CNTNAP5: variants seen among roughly 807,000 people sequenced by gnomAD.
CNTNAP5 encodes contactin associated protein family member 5.
CNTNAP5 carries 72 observed loss-of-function variants against 150.2 expected under a neutral mutation model. The ratio of observed to expected loss-of-function variants is 0.48; its 90% CI spans 0.40 to 0.58. CNTNAP5 has a LOEUF of 0.58. Among genes scored for constraint, CNTNAP5 ranks in the 20% least tolerant of loss-of-function variants. The pLI is 0.00. For missense variants in CNTNAP5, 1,636 were observed against 1,626.2 expected, an observed-to-expected ratio of 1.01 and a Z score of -0.10; for synonymous variants, 672 against 619.8, an observed-to-expected ratio of 1.08 and a Z score of -1.25.
At chr2:124,734,172 C>T (rs1201233317) in intron 13 of CNTNAP5, among the ~76,000 whole-genome samples, 1 of 152,086 alleles carries the variant, frequency 6.6e-6, no homozygotes, top group Middle Eastern at 3.4e-3. Flanking sequence ...AAAAACACCC[C>T]ACATCTCCAA....
intron 13 of CNTNAP5, among the ~76,000 whole-genome samples, chr2:124,696,615 T>C (rs938203420): frequency 6.6e-6 from 1 of 152,152 alleles, no homozygotes; most frequent in Non-Finnish European, 1.5e-5. Flanking sequence ...AATAATCTCT[T>C]AAAATATGGC....
At chr2:124,619,393 G>C (rs149096696) in intron 12 of CNTNAP5, among the ~76,000 whole-genome samples, 2 of 152,134 alleles carry the variant, frequency 1.3e-5, no homozygotes, top group Non-Finnish European at 2.9e-5. Flanking sequence ...ATTGAAATCC[G>C]TGAACACCTG....
At chr2:124,278,151 A>G (rs941667902) in intron 3 of CNTNAP5, among the ~76,000 whole-genome samples, 60 of 152,184 alleles carry the variant, frequency 3.9e-4, no homozygotes, top group African/African-American at 1.4e-3. Context: ...TAATAAGCTC[A>G]TTGGAGTTGC....
Position 124,159,271 on chromosome 2 carries a change from T to C in CNTNAP5, c.83-62434T>C, listed in dbSNP as rs182676634. On this transcript the variant is annotated intron_variant, in intron 1 of 23. Transcript: ENST00000682447. ...GTGAGTTGAAGCTTTGGAAGTATTC[T>C]TGTTCTTAAACCGGAATCTGCAAAC... Among the ~76,000 whole-genome samples the C allele has an allele frequency of 2.0e-5, 3 of 152,340 alleles. No homozygotes were observed. In the East Asian group the frequency reaches 5.8e-4, roughly 29 times the overall value.
rs952319527 is a variant in CNTNAP5, at chr2:124,700,962, G to A, written c.2078-46267G>A. Among the ~76,000 whole-genome samples the A allele has an allele frequency of 5.3e-5, 8 of 152,080 alleles. 1 individual carries two copies. Among genetic ancestry groups the A allele is most frequent in the African/African-American group, 1.7e-4 (7 of 41,506 alleles). On this transcript the variant is annotated intron_variant, in intron 13 of 23. Coordinates refer to ENST00000682447, the MANE Select transcript of CNTNAP5 (RefSeq NM_001367498.1). The stretch of plus-strand genomic sequence containing the variant: ...GGTTATTATACTGAGGCAAATTAAC[G>A]TATCTATCATCTCACATAGTTACGC...
intron 6 of CNTNAP5, among the ~76,000 whole-genome samples, chr2:124,457,150 G>A (rs1209582296): frequency 1.3e-5 from 2 of 151,286 alleles, no homozygotes; most frequent in African/African-American, 4.9e-5. Context: ...GGGAGAAAAT[G>A]TTCACAATCT....
chr2:124,549,154 G>A (rs748936787), intron 10 of CNTNAP5, among the ~76,000 whole-genome samples: 58 of 152,258 alleles, frequency 3.8e-4, no homozygotes, highest in African/African-American at 1.2e-3. Flanking sequence ...TGTCAAAATC[G>A]ATGAGCATCC....
Position 124,025,392 on chromosome 2 carries a change from G to A in CNTNAP5, c.-259G>A. The stretch of plus-strand genomic sequence containing the variant: ...TTGCACCGTTAAGGAGGGGGGAAGA[G>A]AAGGAAGAGGCGGGCGAGGAAGGCG... On this transcript the variant is annotated 5_prime_UTR_variant, in exon 1 of 24. Coordinates refer to ENST00000682447, the MANE Select transcript of CNTNAP5 (RefSeq NM_001367498.1). 1 of 541,588 alleles carries A rather than the reference G, an allele frequency of 1.8e-6. No individual in the cohort carries two copies. Among genetic ancestry groups the A allele is most frequent in the South Asian group, 2.1e-5 (1 of 47,896 alleles). 33.5% of individuals were successfully genotyped at this position (541,588 alleles called of 1,614,324 possible).
In CNTNAP5 at chr2:124,747,361, A is replaced by C; in HGVS notation, c.2210A>C (p.Asn737Thr). 6.2e-7 allele frequency: 1 copy of C among 1,613,796 alleles called. No individual in the cohort carries two copies. Among genetic ancestry groups the C allele is most frequent in the Non-Finnish European group, 8.5e-7 (1 of 1,179,760 alleles). Residue 737 changes from asparagine to threonine, a missense_variant, in exon 14 of 24, where the codon AAT becomes ACT. Transcript: ENST00000682447. The stretch of plus-strand genomic sequence containing the variant: ...TGCCTGGACATTCAGCACTTTTGCA[A>C]TTGCGACGCTGACAAGGATGAATGG... ...ESCLDIQHFC[N>T]CDADKDEWTN...
At chr2:124,506,310 A>C (rs1161435989) in intron 8 of CNTNAP5, among the ~76,000 whole-genome samples, 1 of 152,190 alleles carries the variant, frequency 6.6e-6, no homozygotes, top group Admixed American at 6.6e-5. Flanking sequence ...AGGAGCAAGA[A>C]GATAATGGGT....
At chr2:124,356,971 G>T (rs1392753040) in intron 3 of CNTNAP5, among the ~76,000 whole-genome samples, 1 of 152,046 alleles carries the variant, frequency 6.6e-6, no homozygotes, top group South Asian at 2.1e-4. Context: ...AGCACCTGTT[G>T]TTTCCTGACT....
rs145693419 is a variant in CNTNAP5 at position 124,091,175 on chromosome 2, G to C, written c.82+65443G>C. The stretch of plus-strand genomic sequence containing the variant: ...GTGGGAAACAAATAAGACCTCACCT[G>C]GTAGGGTGAAATAGTGAGCAGGGAG... On this transcript the variant is annotated intron_variant, in intron 1 of 23. Coordinates refer to ENST00000682447, the MANE Select transcript of CNTNAP5 (RefSeq NM_001367498.1). 6.6e-5 allele frequency among the ~76,000 whole-genome samples: 10 copies of C among 152,260 alleles called. No individual in the cohort carries two copies. The East Asian group carries it at 1.9e-3, about 29-fold the overall frequency.
chr2:124,910,796 C>G (rs1241650247), intron 22 of CNTNAP5, among the ~76,000 whole-genome samples: 2 of 151,980 alleles, frequency 1.3e-5, no homozygotes, highest in Non-Finnish European at 2.9e-5. Flanking sequence ...ATAGTAGCCA[C>G]AAGGTCCTGA....
chr2:124,847,689 G>A (rs750476094), intron 19 of CNTNAP5, among the ~76,000 whole-genome samples: 11 of 152,262 alleles, frequency 7.2e-5, no homozygotes, highest in Admixed American at 2.0e-4. Context: ...AGTTTACGAC[G>A]TGAGTCTCCA....
At chr2:124,192,834 C>A (rs1321595846) in intron 1 of CNTNAP5, among the ~76,000 whole-genome samples, 1 of 152,098 alleles carries the variant, frequency 6.6e-6, no homozygotes, top group Non-Finnish European at 1.5e-5. Flanking sequence ...GTATTTTTTT[C>A]TTTGTTTCTT....
At chr2:124,373,823 A>G (rs774587671) in intron 3 of CNTNAP5, among the ~76,000 whole-genome samples, 13 of 152,056 alleles carry the variant, frequency 8.5e-5, no homozygotes, top group Non-Finnish European at 1.5e-4. Context: ...TGAAGAAAAG[A>G]CCTGATAACA....
intron 19 of CNTNAP5, among the ~76,000 whole-genome samples, chr2:124,836,458 T>G (rs927755809): frequency 1.3e-5 from 2 of 152,174 alleles, no homozygotes; most frequent in African/African-American, 4.8e-5. Context: ...AGACTGTTTA[T>G]AGAGGGAGGA....
At chr2:124,084,623 T>C (rs915933231) in intron 1 of CNTNAP5, among the ~76,000 whole-genome samples, 2 of 152,086 alleles carry the variant, frequency 1.3e-5, no homozygotes, top group African/African-American at 4.8e-5. Flanking sequence ...GTGTGTATAG[T>C]ATGTGTCTAT....
At chr2:124,685,739 A>AGT (rs374079431) in intron 13 of CNTNAP5, among the ~76,000 whole-genome samples, 3,362 of 130,774 alleles carry the variant, frequency 0.026, 79 homozygotes, top group African/African-American at 0.064. Flanking sequence ...ATCTAAAGTA[A>AGT]GTGTGTGTGT....
Sources: gnomAD v4.1 joint callset for allele counts (sites outside exome capture counted in the v4.1 genomes callset) on GRCh38, gnomAD v4.1.1 for gene constraint, MANE v1.5 for transcripts, NCBI Gene and HGNC (gene_info 2026-07-23, HGNC 2026-07-21) for gene names.